Variants in ADGRG2 observed in about 807,000 individuals in gnomAD.
ADGRG2 encodes the protein G protein-coupled receptor 64.
ADGRG2 carries 26 observed loss-of-function variants against 74.1 expected under a neutral mutation model. The ratio of observed to expected loss-of-function variants is 0.35; its 90% CI spans 0.26 to 0.49. The LOEUF is 0.49. Ranked by LOEUF, ADGRG2 falls within the 20% of genes least tolerant of loss-of-function variation. The pLI is 0.99. For synonymous variants in ADGRG2, 296 were observed against 295.2 expected (o/e 1.00, Z -0.03); for missense variants, 619 against 763.1 (o/e 0.81, Z 2.22).
At chrX:19,073,987 G>A in intron 2 of ADGRG2, among the ~76,000 whole-genome samples, 1 of 111,860 alleles carries the variant, frequency 8.9e-6, no homozygotes, top group Non-Finnish European at 1.9e-5. Context: ...AGAACAAAAA[G>A]TGAAAAAGCA....
At chrX:19,049,971 G>A (rs1437718493) in intron 3 of ADGRG2, among the ~76,000 whole-genome samples, 2 of 111,583 alleles carry the variant, frequency 1.8e-5, no homozygotes, top group Non-Finnish European at 3.8e-5. Flanking sequence ...TGGCTGTGGC[G>A]AGCAGTTTTT....
intron 3 of ADGRG2, among the ~76,000 whole-genome samples, chrX:19,059,081 G>A (rs890508648): frequency 3.6e-5 from 4 of 111,522 alleles, no homozygotes; most frequent in Non-Finnish European, 7.5e-5. Context: ...TACTCGGGAG[G>A]TCGAGATGGG....
chrX:19,095,479 A>T (rs944507674), intron 1 of ADGRG2, among the ~76,000 whole-genome samples: 3 of 111,518 alleles, frequency 2.7e-5, no homozygotes, highest in African/African-American at 9.8e-5. Context: ...TTTATAGCAC[A>T]AAGGCCACTC....
intron 27 of ADGRG2, 137 bp from the exon 28 acceptor site, chrX:18,995,185 T>C (rs2059995165): frequency 6.9e-6 from 3 of 432,810 alleles, no homozygotes; most frequent in Non-Finnish European, 1.2e-5. Context: ...CTTCCACCAG[T>C]TGGTGTGATA....
At chrX:19,121,908 C>A (rs1471291359) in intron 1 of ADGRG2, among the ~76,000 whole-genome samples, 2 of 111,983 alleles carry the variant, frequency 1.8e-5, no homozygotes, top group African/African-American at 6.5e-5. Flanking sequence ...GTGCTCACCC[C>A]CTGGCTCCGG....
chrX:19,054,134 T>C (rs2061372957), intron 3 of ADGRG2, among the ~76,000 whole-genome samples: 3 of 112,044 alleles, frequency 2.7e-5, no homozygotes, highest in Admixed American at 9.5e-5. Flanking sequence ...TAAAAATGAT[T>C]TCTCCCTTCT....
intron 1 of ADGRG2, among the ~76,000 whole-genome samples, chrX:19,120,229 T>G (rs2062588753): frequency 8.9e-6 from 1 of 111,839 alleles, no homozygotes; most frequent in Non-Finnish European, 1.9e-5. Context: ...TTTTCCAGCT[T>G]TGCATTTGAG....
At chrX:19,070,531 A>G (rs5909274) in intron 2 of ADGRG2, among the ~76,000 whole-genome samples, 44,499 of 110,672 alleles carry the variant, frequency 0.4, 8,557 homozygotes, top group African/African-American at 0.76. Flanking sequence ...CACTAGGAGC[A>G]GAGGCTGGCG....
intron 2 of ADGRG2, among the ~76,000 whole-genome samples, chrX:19,073,117 C>T (rs910642992): frequency 3.6e-5 from 4 of 112,331 alleles, no homozygotes; most frequent in Non-Finnish European, 7.5e-5. Context: ...TGCCACTATG[C>T]TTCTTGCACA....
At chrX:19,060,119 G>A (rs1279633652) in intron 3 of ADGRG2, among the ~76,000 whole-genome samples, 1 of 111,486 alleles carries the variant, frequency 9.0e-6, no homozygotes, top group Non-Finnish European at 1.9e-5. Flanking sequence ...ACAACACAGC[G>A]AGACTCTGTC....
chrX:19,006,369 A>T, intron 20 of ADGRG2, 104 bp from the exon 21 acceptor site: 1 of 578,925 alleles, frequency 1.7e-6, no homozygotes, highest in Non-Finnish European at 2.8e-6. Flanking sequence ...GGTTTTTTTT[A>T]AATTTCAGAA....
At chrX:19,097,873 C>T (rs763951334) in intron 1 of ADGRG2, among the ~76,000 whole-genome samples, 5 of 112,738 alleles carry the variant, frequency 4.4e-5, no homozygotes, top group Non-Finnish European at 5.6e-5. Context: ...TTGGGTTGTA[C>T]GTGCCAGTGC....
chrX:19,072,530 T>A (rs1348330701), intron 2 of ADGRG2, among the ~76,000 whole-genome samples: 1 of 111,752 alleles, frequency 8.9e-6, no homozygotes, highest in Non-Finnish European at 1.9e-5. Flanking sequence ...CAAAGGCAAA[T>A]TCGTGTACTC....
intron 3 of ADGRG2, among the ~76,000 whole-genome samples, chrX:19,063,640 C>G (rs746127935): frequency 2.7e-4 from 30 of 112,161 alleles, no homozygotes; most frequent in African/African-American, 9.4e-4. Context: ...GTTCGCCACC[C>G]GCCTCGCCAA....
At chrX:19,069,958 C>G (rs892067367) in intron 2 of ADGRG2, among the ~76,000 whole-genome samples, 2 of 112,411 alleles carry the variant, frequency 1.8e-5, no homozygotes, top group African/African-American at 6.5e-5. Context: ...GATGGCAATG[C>G]TAAAAGAATG....
chrX:19,098,983 G>A (rs1035115473), intron 1 of ADGRG2, among the ~76,000 whole-genome samples: 13 of 111,947 alleles, frequency 1.2e-4, no homozygotes, highest in African/African-American at 4.2e-4. Context: ...TCAGGAGTTC[G>A]AGACCAGCCT....
intron 3 of ADGRG2, among the ~76,000 whole-genome samples, chrX:19,065,261 CAAAAAAAAAA>C (rs749063279): frequency 2.7e-4 from 3 of 11,147 alleles, no homozygotes; most frequent in Non-Finnish European, 5.4e-4. Context: ...GATCCTGTCT[CAAAAAAAAAA>C]AAAAAAAAAA....
chrX:19,071,562 G>A (rs1035574851), intron 2 of ADGRG2, among the ~76,000 whole-genome samples: 12 of 111,360 alleles, frequency 1.1e-4, no homozygotes, highest in Admixed American at 6.7e-4. Flanking sequence ...ATGAGAAACC[G>A]AAGCAGAAAA....
intron 6 of ADGRG2, chrX:19,036,197 T>C: frequency 3.3e-6 from 1 of 304,688 alleles, no homozygotes; most frequent in East Asian, 5.4e-5. Flanking sequence ...TTGATTCAAA[T>C]GCAAGTTACA....
Sources: allele counts gnomAD v4.1 joint callset (sites outside exome capture counted in the v4.1 genomes callset), GRCh38; gene constraint gnomAD v4.1.1; transcripts MANE v1.5; gene names NCBI Gene and HGNC (gene_info 2026-07-23, HGNC 2026-07-21).